Variants in PGPEP1 observed in about 807,000 individuals in gnomAD.
PGPEP1 encodes pyroglutamyl-peptidase 1.
In PGPEP1, 15 loss-of-function variants were observed where a neutral mutation model predicts 24.1. The observed-to-expected ratio is 0.62, with a 90% CI of 0.42 to 0.96. The LOEUF (loss-of-function observed/expected upper bound fraction) is 0.96, where lower values mean the gene tolerates loss of function less well. PGPEP1 is among the 40% of genes least tolerant of loss of function. The pLI is 0.00. For missense variants in PGPEP1, 242 were observed against 273.4 expected (o/e 0.89, Z 0.81); for synonymous variants, 122 against 116.4 (o/e 1.05, Z -0.31).
chr19:18,363,464 C>G lies in PGPEP1; in HGVS notation c.511C>G (p.Pro171Ala), dbSNP rs879078671. ...TCGATCAGCCTTCGTCCACGTGCCC[C>G]CACTGGGGAAGCCGTACAACGCGGA... ...HGRSAFVHVP[P>A]LGKPYNADQL... The change falls in exon 5 of 5, where the codon CCA (proline) becomes GCA (alanine). Residue 171 changes from proline (P) to alanine (A), a missense_variant. Coordinates refer to ENST00000269919, the MANE Select transcript of PGPEP1 (RefSeq NM_017712.4). 6.2e-7 allele frequency: 1 copy of G among 1,614,172 alleles called. No individual in the cohort carries two copies. Among genetic ancestry groups the G allele is most frequent in the Admixed American group, 1.7e-5 (1 of 60,010 alleles).
chr19:18,364,384 T>C lies in PGPEP1; in HGVS notation c.*801T>C, dbSNP rs1401758433. 1.3e-5 allele frequency: 2 copies of C among 151,764 alleles called. No homozygotes were observed. The highest frequency in any genetic ancestry group is 4.8e-5 in the African/African-American group (2 of 41,290). The allele number at this position is 151,764 out of a possible 1,614,324, so 9.4% of individuals were successfully genotyped here. On this transcript the variant is annotated 3_prime_UTR_variant, in exon 5 of 5. Transcript: ENST00000269919. ...ATCCCAGCACTTTGGAAGGCCAGGG[T>C]GGGCGGATCACCTGAGATCAGGAGT...
chr19:18,355,794 A>C, intron 2 of PGPEP1, 101 bp from the exon 3 acceptor site: 1 of 746,016 alleles, frequency 1.3e-6, no homozygotes. Context: ...CATCCTGCAG[A>C]ATGAGTCTGG....
intron 4 of PGPEP1, chr19:18,357,844 C>T (rs565156639): frequency 2.2e-5 from 12 of 555,032 alleles, no homozygotes; most frequent in African/African-American, 1.9e-4. Flanking sequence ...AGGCCCCCAG[C>T]ATCTCCCACC....
At chr19:18,353,593 G>T (rs576283185) in intron 2 of PGPEP1, among the ~76,000 whole-genome samples, 1 of 152,174 alleles carries the variant, frequency 6.6e-6, no homozygotes, top group African/African-American at 2.4e-5. Context: ...TCTAGTTCCA[G>T]AACATTCCAT....
At chr19:18,360,598 T>C (rs1971317248) in intron 4 of PGPEP1, among the ~76,000 whole-genome samples, 1 of 151,908 alleles carries the variant, frequency 6.6e-6, no homozygotes, top group Non-Finnish European at 1.5e-5. Flanking sequence ...AATCTTGGCT[T>C]GCTGCAACCT....
intron 2 of PGPEP1, among the ~76,000 whole-genome samples, chr19:18,351,061 C>T (rs1197207601): frequency 6.6e-6 from 1 of 152,126 alleles, no homozygotes; most frequent in Non-Finnish European, 1.5e-5. Flanking sequence ...ATCATGAGGT[C>T]AGGAGATGGA....
At chr19:18,357,944 C>T (rs1971235585) in intron 4 of PGPEP1, 2 of 356,508 alleles carry the variant, frequency 5.6e-6, no homozygotes, top group Non-Finnish European at 5.3e-6. Context: ...TTTCCTGGAG[C>T]TGCTATAACA....
At chr19:18,356,809 C>T (rs762954474) in intron 3 of PGPEP1, among the ~76,000 whole-genome samples, 2 of 151,846 alleles carry the variant, frequency 1.3e-5, no homozygotes, top group African/African-American at 2.4e-5. Flanking sequence ...GATGCTGAGG[C>T]GGGTGGATCA....
At chr19:18,344,547 C>T (rs1161301978) in intron 2 of PGPEP1, among the ~76,000 whole-genome samples, 1 of 129,972 alleles carries the variant, frequency 7.7e-6, no homozygotes, top group East Asian at 1.9e-4. Flanking sequence ...TTTTAATCAC[C>T]CCCTCATCCC....
chr19:18,361,892 A>G, intron 4 of PGPEP1: 1 of 985,148 alleles, frequency 1.0e-6, no homozygotes, highest in Non-Finnish European at 1.2e-6. Flanking sequence ...TTCAACATGC[A>G]TCTGGCGAGT....
chr19:18,341,920 T>C (rs1970680079), intron 1 of PGPEP1, among the ~76,000 whole-genome samples: 1 of 151,950 alleles, frequency 6.6e-6, no homozygotes, highest in South Asian at 2.1e-4. Flanking sequence ...TATTTTTTTT[T>C]TTTTGAGACG....
Position 18,363,687 on chromosome 19 carries a change from A to T in PGPEP1, c.*104A>T. On this transcript the variant is annotated 3_prime_UTR_variant, in exon 5 of 5. Coordinates refer to ENST00000269919, the MANE Select transcript of PGPEP1 (RefSeq NM_017712.4). Reference sequence around the variant, plus strand: ...AAAAGACAAGCTCTTCAGCTTGGGGATCCGATCTGGAAGAGAGATTCTGAT... The same window carrying T: ...AAAAGACAAGCTCTTCAGCTTGGGGTTCCGATCTGGAAGAGAGATTCTGAT... 1 of 758,442 alleles carries T rather than the reference A, an allele frequency of 1.3e-6. No homozygotes were observed. Among genetic ancestry groups the T allele is most frequent in the South Asian group, 1.9e-5 (1 of 52,320 alleles). 47.0% of individuals were successfully genotyped at this position (758,442 alleles called of 1,614,324 possible).
At position 18,357,363 on chromosome 19, in the gene PGPEP1, C is replaced by G. The variant is rs565853075; in HGVS notation, c.205-20C>G. On this transcript the variant is annotated intron_variant, in intron 3 of 4. Transcript: ENST00000269919. ...TCCCACGGGCAGGCCATGTTAAGTC[C>G]TGCCCCTGTCTGTGTGCAGCTGGTG... 6.2e-7 allele frequency: 1 copy of G among 1,601,854 alleles called. No homozygotes were observed. The highest frequency in any genetic ancestry group is 1.1e-5 in the South Asian group (1 of 90,400).
rs1971481683 is a variant in PGPEP1 at position 18,364,775 on chromosome 19, C to T, written c.*1192C>T. Reference sequence around the variant, plus strand: ...TTCAACACCAAGCTATGAGCTGTCGCCATGGAGACCAGGGCCACCTGTGGA... The same window carrying T: ...TTCAACACCAAGCTATGAGCTGTCGTCATGGAGACCAGGGCCACCTGTGGA... On this transcript the variant is annotated 3_prime_UTR_variant, in exon 5 of 5. Transcript: ENST00000269919. 6.6e-6 allele frequency: 1 copy of T among 152,158 alleles called. No individual in the cohort carries two copies. Among genetic ancestry groups the T allele is most frequent in the Non-Finnish European group, 1.5e-5 (1 of 68,042 alleles). The allele number at this position is 152,158 out of a possible 1,614,324, so 9.4% of individuals were successfully genotyped here. A position where few individuals can be genotyped will look rare whatever the true frequency, so the allele number is the denominator to read the frequency against.
At chr19:18,349,319 C>T (rs1970952699) in intron 2 of PGPEP1, among the ~76,000 whole-genome samples, 1 of 151,938 alleles carries the variant, frequency 6.6e-6, no homozygotes, top group African/African-American at 2.4e-5. Flanking sequence ...GTAGCTGGGA[C>T]TCAGCTAATT....
At chr19:18,343,052 T>C (rs970563748) in intron 2 of PGPEP1, 141 bp downstream of exon 2, 1 of 658,332 alleles carries the variant, frequency 1.5e-6, no homozygotes, top group Non-Finnish European at 2.7e-6. Context: ...CAGGCTGGAA[T>C]GCAATGGCAC....
chr19:18,357,915 C>T (rs1020151307), intron 4 of PGPEP1: 4 of 416,510 alleles, frequency 9.6e-6, no homozygotes, highest in African/African-American at 2.0e-5. Context: ...CCAACCCAAG[C>T]AGTCAGTTTC....
chr19:18,342,791 C>T (rs1235879827), intron 1 of PGPEP1, 68 bp from the exon 2 acceptor site: 11 of 1,232,084 alleles, frequency 8.9e-6, no homozygotes, highest in African/African-American at 4.4e-5. Context: ...GTGGGAGTAG[C>T]GGCCAGGCCA....
At chr19:18,355,601 G>C (rs1326880748) in intron 2 of PGPEP1, among the ~76,000 whole-genome samples, 2 of 152,140 alleles carry the variant, frequency 1.3e-5, no homozygotes, top group East Asian at 3.9e-4. Flanking sequence ...AGGAAACTGA[G>C]ACTCAGAGAG....
Sources: gnomAD v4.1 joint callset for allele counts (sites outside exome capture counted in the v4.1 genomes callset) on GRCh38, gnomAD v4.1.1 for gene constraint, MANE v1.5 for transcripts, NCBI Gene and HGNC (gene_info 2026-07-23, HGNC 2026-07-21) for gene names.